The following LDLRAD4 variants were observed in gnomAD, a reference collection of about 807,000 sequenced individuals.
LDLRAD4 encodes the protein low density lipoprotein receptor class A domain containing 4.
In LDLRAD4, 5 loss-of-function variants were observed where a neutral mutation model predicts 17.0. The ratio of observed to expected loss-of-function variants is 0.29; its 90% CI spans 0.15 to 0.62. LDLRAD4 has a LOEUF of 0.62. Ranked by LOEUF, LDLRAD4 falls within the 20% of genes least tolerant of loss-of-function variation. The probability of loss-of-function intolerance (pLI) is 0.84; values close to 1 mark genes in which losing one functional copy is unlikely to be tolerated. For synonymous variants in LDLRAD4, 168 were observed against 171.8 expected, an observed-to-expected ratio of 0.98 and a Z score of 0.17; for missense variants, 340 against 424.7, an observed-to-expected ratio of 0.80 and a Z score of 1.75.
At chr18:13,492,545 C>T (rs902788310) in intron 3 of LDLRAD4, among the ~76,000 whole-genome samples, 21 of 152,326 alleles carry the variant, frequency 1.4e-4, no homozygotes, top group African/African-American at 2.2e-4. Flanking sequence ...CCCCGTAGAA[C>T]GCCTGGCCTC....
chr18:13,246,199 G>A (rs2145755760), intron 1 of LDLRAD4, among the ~76,000 whole-genome samples: 1 of 152,354 alleles, frequency 6.6e-6, no homozygotes, highest in East Asian at 1.9e-4. Flanking sequence ...TCACTGAAGA[G>A]CTAATTGCAG....
chr18:13,315,401 G>A (rs1022033247), intron 1 of LDLRAD4, among the ~76,000 whole-genome samples: 12 of 152,324 alleles, frequency 7.9e-5, no homozygotes, highest in African/African-American at 2.4e-4. Flanking sequence ...ACAGCAACAG[G>A]TGATGTAGTT....
At chr18:13,534,942 A>G (rs988928511) in intron 3 of LDLRAD4, among the ~76,000 whole-genome samples, 1 of 152,078 alleles carries the variant, frequency 6.6e-6, no homozygotes, top group Admixed American at 6.5e-5. Context: ...TCATCCTTGC[A>G]GTTTTGCTTC....
chr18:13,495,563 T>TA lies in LDLRAD4; in HGVS notation c.181+57180dup, dbSNP rs1188364081. ...CTGAAGTATAAGATGGTGTCACTAATACTGTGGCTTAGTAAAATGGGAAGA... is the reference window on the plus strand; with the variant it reads ...CTGAAGTATAAGATGGTGTCACTAATAACTGTGGCTTAGTAAAATGGGAAGA... On this transcript the variant is annotated intron_variant, in intron 3 of 5. Transcript: ENST00000359446. 2.6e-5 allele frequency among the ~76,000 whole-genome samples: 4 copies of TA among 152,208 alleles called. No individual in the cohort carries two copies. The East Asian group carries it at 7.7e-4, about 29-fold the overall frequency.
upstream of LDLRAD4, among the ~76,000 whole-genome samples, chr18:13,276,575 C>T (rs909991076): frequency 2.0e-5 from 3 of 152,198 alleles, no homozygotes; most frequent in Admixed American, 6.5e-5. Context: ...GACTGATGTC[C>T]CTGTTCCCTT....
At chr18:13,608,436 G>C (rs923576394) in intron 3 of LDLRAD4, among the ~76,000 whole-genome samples, 2 of 152,126 alleles carry the variant, frequency 1.3e-5, no homozygotes, top group Admixed American at 1.3e-4. Context: ...ACTGGGCTTA[G>C]AGATGACAGT....
chr18:13,281,474 A>G (rs868777121), intron 1 of LDLRAD4, among the ~76,000 whole-genome samples: 1 of 152,182 alleles, frequency 6.6e-6, no homozygotes, highest in African/African-American at 2.4e-5. Flanking sequence ...GTGAATGACC[A>G]TCTAATGCTG....
chr18:13,404,905 A>G (rs2087585324), intron 2 of LDLRAD4, among the ~76,000 whole-genome samples: 1 of 152,120 alleles, frequency 6.6e-6, no homozygotes, highest in Non-Finnish European at 1.5e-5. Flanking sequence ...AATGCATGCA[A>G]AAGAATTGAA....
At chr18:13,316,128 A>G (rs1277841563) in intron 1 of LDLRAD4, among the ~76,000 whole-genome samples, 1 of 152,180 alleles carries the variant, frequency 6.6e-6, no homozygotes, top group African/African-American at 2.4e-5. Flanking sequence ...GAAGCCATAA[A>G]TTCAAGAAAC....
Position 13,645,878 on chromosome 18 carries a change from T to C in LDLRAD4, c.*221T>C, listed in dbSNP as rs2042996273. 2.5e-6 allele frequency: 1 copy of C among 398,576 alleles called. No homozygotes were observed. Among genetic ancestry groups the C allele is most frequent in the African/African-American group, 2.1e-5 (1 of 48,744 alleles). 24.7% of individuals were successfully genotyped at this position (398,576 alleles called of 1,614,324 possible). A position where few individuals can be genotyped will look rare whatever the true frequency, so the allele number is the denominator to read the frequency against. ...TGGTCTGACCGCAAACAGTGTTTATTTGGGGACAGGGGTTGGGATGGGGGT... is the reference window on the plus strand; with the variant it reads ...TGGTCTGACCGCAAACAGTGTTTATCTGGGGACAGGGGTTGGGATGGGGGT... On this transcript the variant is annotated 3_prime_UTR_variant, in exon 6 of 6. Transcript: ENST00000359446. The surrounding 1 kb of genome is among the most constrained non-coding windows in gnomAD (Gnocchi z 5.7).
chr18:13,501,501 G>C (rs1177097172), intron 3 of LDLRAD4, among the ~76,000 whole-genome samples: 2 of 152,098 alleles, frequency 1.3e-5, no homozygotes, highest in Non-Finnish European at 2.9e-5. Context: ...CTGTCTGTCT[G>C]TCTGTCTGGG....
chr18:13,646,976 T>A (rs1378270059), exon 6 of LDLRAD4: 1 of 152,178 alleles, frequency 6.6e-6, no homozygotes, highest in Non-Finnish European at 1.5e-5. Flanking sequence ...CTGATCGTGG[T>A]AATAAGCCAT....
intron 2 of LDLRAD4, among the ~76,000 whole-genome samples, chr18:13,417,841 T>G (rs541198415): frequency 2.6e-5 from 4 of 151,720 alleles, no homozygotes; most frequent in African/African-American, 9.7e-5. Context: ...TGTGTGTGTG[T>G]TGTGTGTGTG....
chr18:13,536,489 C>G (rs564566931), intron 3 of LDLRAD4, among the ~76,000 whole-genome samples: 403 of 152,134 alleles, frequency 2.6e-3, no homozygotes, highest in South Asian at 3.7e-3. Context: ...TGCTAAACTC[C>G]TTTATTTGTT....
intron 1 of LDLRAD4, among the ~76,000 whole-genome samples, chr18:13,340,913 G>GT (rs1309697165): frequency 6.6e-6 from 1 of 152,050 alleles, no homozygotes; most frequent in Non-Finnish European, 1.5e-5. Flanking sequence ...TATGTATGGT[G>GT]TAGGACAAGG....
At chr18:13,379,995 GC>G (rs2085224692) in intron 1 of LDLRAD4, among the ~76,000 whole-genome samples, 1 of 149,362 alleles carries the variant, frequency 6.7e-6, no homozygotes, top group Non-Finnish European at 1.5e-5. Flanking sequence ...CTGCCCGCCA[GC>G]CCCCTGCCCG....
At chr18:13,501,824 G>A (rs1264423786) in intron 3 of LDLRAD4, among the ~76,000 whole-genome samples, 1 of 152,168 alleles carries the variant, frequency 6.6e-6, no homozygotes, top group Non-Finnish European at 1.5e-5. Flanking sequence ...GGGGCATTCT[G>A]TAATAACAGA....
chr18:13,377,888 C>T (rs1299051992), intron 1 of LDLRAD4, among the ~76,000 whole-genome samples: 1 of 152,228 alleles, frequency 6.6e-6, no homozygotes, highest in African/African-American at 2.4e-5. Flanking sequence ...TGTCCACCCC[C>T]ACTCACCTTG....
chr18:13,235,714 G>A (rs951409103), intron 1 of LDLRAD4, among the ~76,000 whole-genome samples: 1 of 152,174 alleles, frequency 6.6e-6, no homozygotes, highest in Non-Finnish European at 1.5e-5. Flanking sequence ...TGGATGAGTC[G>A]ACTTTATTTC....
Sources: gnomAD v4.1 joint callset for allele counts (sites outside exome capture counted in the v4.1 genomes callset) on GRCh38, gnomAD v4.1.1 for gene constraint, Gnocchi (gnomAD v3.1) non-coding constraint, MANE v1.5 for transcripts, NCBI Gene and HGNC (gene_info 2026-07-23, HGNC 2026-07-21) for gene names.